CSMD1: variants seen among roughly 807,000 people sequenced by gnomAD.
The protein encoded by CSMD1 is CUB and sushi domain-containing protein 1.
In CSMD1, 213 loss-of-function variants were observed where a neutral mutation model predicts 417.5. That is an observed-to-expected ratio of 0.51 (90% CI 0.46 to 0.57). CSMD1 has a LOEUF of 0.57. CSMD1 is among the 20% of genes least tolerant of loss of function. The pLI is 0.00. For synonymous variants in CSMD1, 2,862 were observed against 1,736.8 expected (o/e 1.65, Z -16.11); for missense variants, 6,923 against 4,529.7 (o/e 1.53, Z -15.17).
At chr8:4,447,078 A>C (rs541606184) in intron 2 of CSMD1, among the ~76,000 whole-genome samples, 52 of 152,292 alleles carry the variant, frequency 3.4e-4, no homozygotes, top group African/African-American at 1.2e-3. Context: ...AGCCTCAGTT[A>C]TGACAGCGTC....
rs776427096 is a variant in CSMD1, at chr8:3,118,556, G to C, written c.6273C>G (p.Pro2091=). 2 of 1,613,914 alleles carry C rather than the reference G, an allele frequency of 1.2e-6. 1 individual carries two copies. Among genetic ancestry groups the C allele is most frequent in the Middle Eastern group, 3.3e-4 (2 of 6,062 alleles). ...AYELQNCPDP[P]PFQNGYMINS... is the part of the protein sequence containing the mutation. ...TGATCATGTACCCATTCTGAAATGG[G>C]GGTGGATCTGGACAGTTCTGTAATT... The change falls in exon 42 of 70, where the codon CCC becomes CCG. Residue 2091 remains proline, a synonymous_variant. Transcript: ENST00000635120.
rs1392273583 is a variant in CSMD1, at chr8:3,118,543, C to T, written c.6286G>A (p.Gly2096Arg). 3.1e-6 allele frequency: 5 copies of T among 1,613,900 alleles called. No homozygotes were observed. Among genetic ancestry groups the T allele is most frequent in the Non-Finnish European group, 4.2e-6 (5 of 1,179,874 alleles). Residue 2096 changes from glycine (G) to arginine (R), a missense_variant, in exon 42 of 70, where the codon GGG (glycine) becomes AGG (arginine). Gly to Arg is a moderately radical substitution (Grantham distance 125). Transcript: ENST00000635120. ...NCPDPPPFQN[G>R]YMINSDYSVG... ...CTGTAATCCGAGTTGATCATGTACCCATTCTGAAATGGGGGTGGATCTGGA... is the reference window on the plus strand; with the variant it reads ...CTGTAATCCGAGTTGATCATGTACCTATTCTGAAATGGGGGTGGATCTGGA...
Position 2,937,764 on chromosome 8 carries a change from G to C in CSMD1, c.*821C>G, listed in dbSNP as rs1024604329. Reference sequence around the variant, plus strand: ...AATACTGTATTTCCTTTTAAAATCTGTGCCATATCTAGGAATACTTTTCCC... The same window carrying C: ...AATACTGTATTTCCTTTTAAAATCTCTGCCATATCTAGGAATACTTTTCCC... On this transcript the variant is annotated 3_prime_UTR_variant, in exon 70 of 70. Transcript: ENST00000635120. 5.2e-5 allele frequency: 8 copies of C among 152,578 alleles called. No homozygotes were observed. Among genetic ancestry groups the C allele is most frequent in the Admixed American group, 5.2e-4 (8 of 15,272 alleles). The allele number at this position is 152,578 out of a possible 1,614,324, so 9.5% of individuals were successfully genotyped here.
At chr8:3,934,122 T>A (rs1293487257) in intron 5 of CSMD1, among the ~76,000 whole-genome samples, 1 of 152,144 alleles carries the variant, frequency 6.6e-6, no homozygotes, top group Non-Finnish European at 1.5e-5. Context: ...ATTAAATGAT[T>A]ACCCACTTCA....
intron 23 of CSMD1, among the ~76,000 whole-genome samples, chr8:3,320,619 G>A (rs985895416): frequency 6.6e-6 from 1 of 152,182 alleles, no homozygotes; most frequent in South Asian, 2.1e-4. Flanking sequence ...CAATTCCAGA[G>A]AAGTGACAGC....
intron 3 of CSMD1, among the ~76,000 whole-genome samples, chr8:4,381,340 G>T (rs1034646544): frequency 6.6e-6 from 1 of 152,130 alleles, no homozygotes; most frequent in East Asian, 1.9e-4. Flanking sequence ...CCAACACAAT[G>T]GATGAGGCAT....
At chr8:3,860,767 A>G (rs1804646158) in intron 5 of CSMD1, among the ~76,000 whole-genome samples, 1 of 152,164 alleles carries the variant, frequency 6.6e-6, no homozygotes, top group Admixed American at 6.5e-5. Context: ...TTGAAGGGAG[A>G]GAGTAGAGCT....
chr8:4,033,320 T>C (rs1343940859), intron 3 of CSMD1, among the ~76,000 whole-genome samples: 17 of 151,994 alleles, frequency 1.1e-4, no homozygotes, highest in Admixed American at 9.2e-4. Context: ...CGGGCACCTG[T>C]AGTCCCAGCT....
intron 7 of CSMD1, among the ~76,000 whole-genome samples, chr8:3,698,073 G>C (rs1270804690): frequency 6.6e-6 from 1 of 152,034 alleles, no homozygotes; most frequent in African/African-American, 2.4e-5. Flanking sequence ...AAAATTATAT[G>C]ATATAAACGG....
At chr8:3,524,588 C>G (rs913613159) in intron 10 of CSMD1, among the ~76,000 whole-genome samples, 2 of 151,526 alleles carry the variant, frequency 1.3e-5, no homozygotes. Flanking sequence ...TATGCACACA[C>G]AAGGACACAC....
At chr8:3,507,047 G>T (rs1381858917) in intron 10 of CSMD1, among the ~76,000 whole-genome samples, 1 of 152,086 alleles carries the variant, frequency 6.6e-6, no homozygotes, top group African/African-American at 2.4e-5. Flanking sequence ...TATACCAAGT[G>T]CCTAACATAG....
At chr8:3,046,156 CTA>C (rs1175077291) in intron 50 of CSMD1, among the ~76,000 whole-genome samples, 2 of 152,176 alleles carry the variant, frequency 1.3e-5, no homozygotes, top group Non-Finnish European at 2.9e-5. Context: ...CTTTTGATTG[CTA>C]TGCTCACAAA....
chr8:4,033,873 T>C (rs1293585148), intron 3 of CSMD1, among the ~76,000 whole-genome samples: 2 of 152,218 alleles, frequency 1.3e-5, no homozygotes, highest in Non-Finnish European at 2.9e-5. Flanking sequence ...CATCATTCAG[T>C]TGAATGGATG....
intron 5 of CSMD1, among the ~76,000 whole-genome samples, chr8:3,761,721 G>GTCTCGAACTTCTGA (rs1166063587): frequency 6.6e-6 from 1 of 151,968 alleles, no homozygotes; most frequent in African/African-American, 2.4e-5. Context: ...GGCCAGGCTG[G>GTCTCGAACTTCTGA]TCTCGAACTT....
intron 50 of CSMD1, among the ~76,000 whole-genome samples, chr8:3,033,891 C>G (rs1810501062): frequency 6.6e-6 from 1 of 152,246 alleles, no homozygotes. Flanking sequence ...AACTGCAACT[C>G]AACTCAAGAG....
intron 3 of CSMD1, among the ~76,000 whole-genome samples, chr8:4,310,936 T>G (rs1021128804): frequency 3.3e-5 from 5 of 152,022 alleles, no homozygotes; most frequent in Non-Finnish European, 7.4e-5. Context: ...GAAATGCAAA[T>G]CAAAACCTCA....
At chr8:4,335,534 C>G (rs1278506793) in intron 3 of CSMD1, among the ~76,000 whole-genome samples, 1 of 152,062 alleles carries the variant, frequency 6.6e-6, no homozygotes, top group Non-Finnish European at 1.5e-5. Context: ...AGAACATCAG[C>G]ACCAACATCT....
chr8:3,686,884 C>A (rs547241751), intron 7 of CSMD1, among the ~76,000 whole-genome samples: 9 of 152,110 alleles, frequency 5.9e-5, no homozygotes, highest in Non-Finnish European at 1.3e-4. Context: ...TTTCTTATGT[C>A]GATTTCATTC....
chr8:4,556,280 C>G (rs1019134529), intron 2 of CSMD1, among the ~76,000 whole-genome samples: 2 of 152,112 alleles, frequency 1.3e-5, no homozygotes, highest in Non-Finnish European at 2.9e-5. Context: ...TAAAATTAAT[C>G]TTGACCATTT....
Sources: gnomAD v4.1 joint callset for allele counts (sites outside exome capture counted in the v4.1 genomes callset) on GRCh38, gnomAD v4.1.1 for gene constraint, MANE v1.5 for transcripts, NCBI Gene and HGNC (gene_info 2026-07-23, HGNC 2026-07-21) for gene names.